SRRM3: variants seen among roughly 807,000 people sequenced by gnomAD.
SRRM3 encodes the protein serine/arginine repetitive matrix protein 3.
Under a neutral mutation model 66.2 loss-of-function variants are expected in SRRM3, and 27 were observed. That is an observed-to-expected ratio of 0.41 (90% CI 0.30 to 0.56). The LOEUF is 0.56. Ranked by LOEUF, SRRM3 falls within the 20% of genes least tolerant of loss-of-function variation. The pLI, the probability that SRRM3 is intolerant of heterozygous loss-of-function variation, is 0.32. For synonymous variants in SRRM3, 391 were observed against 414.9 expected (o/e 0.94, Z 0.70); for missense variants, 918 against 991.9 (o/e 0.93, Z 1.00).
Position 76,271,748 on chromosome 7 carries a change from C to T in SRRM3, c.1008+4313C>T, listed in dbSNP as rs959858168. Among the ~76,000 whole-genome samples the T allele has an allele frequency of 6.6e-5, 10 of 152,152 alleles. No homozygotes were observed. The East Asian group carries it at 1.3e-3, about 21-fold the overall frequency. On this transcript the variant is annotated intron_variant, in intron 11 of 14. Coordinates refer to ENST00000611745, the MANE Select transcript of SRRM3 (RefSeq NM_001110199.3). ...GGTGGAAAATGGGAAGCACAGTCCACGAGCCCTGAGCAGAAGGAGGATTTG... is the reference window on the plus strand; with the variant it reads ...GGTGGAAAATGGGAAGCACAGTCCATGAGCCCTGAGCAGAAGGAGGATTTG...
intron 3 of SRRM3, among the ~76,000 whole-genome samples, chr7:76,254,711 A>G (rs1801662144): frequency 6.6e-6 from 1 of 152,174 alleles, no homozygotes; most frequent in Admixed American, 6.6e-5. Flanking sequence ...ACAATACGCA[A>G]TGTGAGCTTA....
intron 2 of SRRM3, among the ~76,000 whole-genome samples, chr7:76,238,515 G>A (rs1801202496): frequency 6.6e-6 from 1 of 152,058 alleles, no homozygotes; most frequent in Non-Finnish European, 1.5e-5. Context: ...CGTACTTGGA[G>A]TCACCTTCCC....
At chr7:76,243,700 C>T (rs932972582) in intron 2 of SRRM3, among the ~76,000 whole-genome samples, 1 of 152,216 alleles carries the variant, frequency 6.6e-6, no homozygotes, top group Non-Finnish European at 1.5e-5. Context: ...AATGGCCCAC[C>T]CTCACCCTTA....
At chr7:76,231,534 G>A (rs562973391) in intron 1 of SRRM3, among the ~76,000 whole-genome samples, 7 of 152,334 alleles carry the variant, frequency 4.6e-5, no homozygotes, top group Non-Finnish European at 1.0e-4. Context: ...GAAGATGTGC[G>A]GAACAGCATG....
intron 3 of SRRM3, among the ~76,000 whole-genome samples, chr7:76,258,063 G>C (rs940944996): frequency 6.6e-6 from 1 of 152,198 alleles, no homozygotes; most frequent in East Asian, 1.9e-4. Context: ...CTGGGGCTGC[G>C]GGAGCAGGGA....
At chr7:76,260,082 C>A (rs782438178) in intron 4 of SRRM3, 35 bp from the exon 5 acceptor site, 10 of 1,424,702 alleles carry the variant, frequency 7.0e-6, no homozygotes, top group Non-Finnish European at 7.3e-6. Flanking sequence ...GGCTGCCCCC[C>A]CTCACCGCCC....
chr7:76,258,067 G>A (rs981683659), intron 3 of SRRM3, among the ~76,000 whole-genome samples: 1 of 152,208 alleles, frequency 6.6e-6, no homozygotes, highest in African/African-American at 2.4e-5. Context: ...GGCTGCGGGA[G>A]CAGGGACAGG....
chr7:76,239,638 G>A (rs567820715), intron 2 of SRRM3, among the ~76,000 whole-genome samples: 1 of 152,200 alleles, frequency 6.6e-6, no homozygotes, highest in South Asian at 2.1e-4. Context: ...GAGAAGTCGA[G>A]GCTGCAGCGA....
At chr7:76,249,505 C>T (rs924946473) in intron 3 of SRRM3, among the ~76,000 whole-genome samples, 1 of 152,190 alleles carries the variant, frequency 6.6e-6, no homozygotes. Context: ...CAAGTTATAG[C>T]AAGGCAAATA....
rs574283394 is a variant in SRRM3 at position 76,282,887 on chromosome 7, G to C, written c.1595+15G>C. On this transcript the variant is annotated intron_variant, in intron 13 of 14. Transcript: ENST00000611745. ...CCCCTCAGCCGGTGAGTGCCCGCCCGGACCGGGCCGACGGGGCGGGCGGCG... is the reference window on the plus strand; with the variant it reads ...CCCCTCAGCCGGTGAGTGCCCGCCCCGACCGGGCCGACGGGGCGGGCGGCG... 11 of 1,339,434 alleles carry C rather than the reference G, an allele frequency of 8.2e-6. No homozygotes were observed. In the African/African-American group the frequency reaches 1.4e-4, roughly 17 times the overall value. The allele number at this position is 1,339,434 out of a possible 1,614,324, so 83.0% of individuals were successfully genotyped here. A position where few individuals can be genotyped will look rare whatever the true frequency, so the allele number is the denominator to read the frequency against.
Position 76,281,507 on chromosome 7 carries a change from C to T in SRRM3, c.1075C>T (p.Arg359Trp). ...GGCCGCCGCACCCACGCCGCCCGCG[C>T]GGGGGAAGGAGAGCCCGAGCCCGCG... ...AAAAAPTPPA[R>W]GKESPSPRSA... The change falls in exon 12 of 15, where the codon CGG (arginine) becomes TGG (tryptophan). Residue 359 changes from arginine to tryptophan, a missense_variant. Transcript: ENST00000611745. 1 of 1,213,830 alleles carries T rather than the reference C, an allele frequency of 8.2e-7. No homozygotes were observed. Among genetic ancestry groups the T allele is most frequent in the Non-Finnish European group, 1.0e-6 (1 of 973,482 alleles). 75.2% of individuals were successfully genotyped at this position (1,213,830 alleles called of 1,614,324 possible). A position where few individuals can be genotyped will look rare whatever the true frequency, so the allele number is the denominator to read the frequency against.
chr7:76,242,745 G>A (rs1023270772), intron 2 of SRRM3, among the ~76,000 whole-genome samples: 8 of 152,108 alleles, frequency 5.3e-5, no homozygotes, highest in Admixed American at 2.0e-4. Context: ...CACAAGGAGC[G>A]TGCAACCTAC....
chr7:76,259,933 G>A lies in SRRM3; in HGVS notation c.363G>A (p.Glu121=). Residue 121 remains glutamate (E), a synonymous_variant, in exon 4 of 15, where the codon GAG becomes GAA. Transcript: ENST00000611745. ...HIVAETPRLT[E]GAEPGLEYAP... is the part of the protein sequence containing the mutation. ...TGGCGGAGACCCCGCGGCTGACCGA[G>A]GGCGCTGAGCCGGGCCTGGAGTACG... 1 of 1,601,924 alleles carries A rather than the reference G, an allele frequency of 6.2e-7. No individual in the cohort carries two copies. Among genetic ancestry groups the A allele is most frequent in the South Asian group, 1.1e-5 (1 of 91,000 alleles).
At chr7:76,240,906 G>GA (rs1554605552) in intron 2 of SRRM3, among the ~76,000 whole-genome samples, 2 of 151,412 alleles carry the variant, frequency 1.3e-5, no homozygotes, top group Admixed American at 1.3e-4. Flanking sequence ...TTGGTTTTTT[G>GA]TTTTTTTCAA....
intron 4 of SRRM3, 40 bp downstream of exon 4, chr7:76,260,074 C>T (rs1583918853): frequency 7.5e-7 from 1 of 1,332,904 alleles, no homozygotes; most frequent in African/African-American, 1.6e-5. Context: ...GCGCGCGGGG[C>T]TGCCCCCCCT....
intron 1 of SRRM3, among the ~76,000 whole-genome samples, chr7:76,220,787 A>G (rs1441546805): frequency 6.6e-6 from 1 of 152,058 alleles, no homozygotes; most frequent in African/African-American, 2.4e-5. Flanking sequence ...ACCCCCAGCC[A>G]GCCCCAGCCT....
chr7:76,258,782 C>T (rs1430020950), intron 3 of SRRM3, among the ~76,000 whole-genome samples: 3 of 148,918 alleles, frequency 2.0e-5, no homozygotes, highest in Admixed American at 6.7e-5. Context: ...GTTCGCCGTG[C>T]GCGGTGGCTC....
chr7:76,219,715 C>T (rs1458660847), intron 1 of SRRM3, among the ~76,000 whole-genome samples: 2 of 152,150 alleles, frequency 1.3e-5, no homozygotes, highest in African/African-American at 4.8e-5. Context: ...TTGAGACCAG[C>T]CTGGCCAACA....
intron 10 of SRRM3, among the ~76,000 whole-genome samples, 155 bp downstream of exon 10, chr7:76,265,623 C>G (rs1307677211): frequency 6.6e-6 from 1 of 151,412 alleles, no homozygotes; most frequent in African/African-American, 2.4e-5. Context: ...TGGCTCACTG[C>G]TGTAGTCTCA....
Sources: allele counts gnomAD v4.1 joint callset (sites outside exome capture counted in the v4.1 genomes callset), GRCh38; gene constraint gnomAD v4.1.1; transcripts MANE v1.5; gene names NCBI Gene and HGNC (gene_info 2026-07-23, HGNC 2026-07-21).